The following MYO3A variants were observed in gnomAD, a reference collection of about 807,000 sequenced individuals.
MYO3A encodes myosin-IIIa.
MYO3A carries 180 observed loss-of-function variants against 192.7 expected under a neutral mutation model. That is an observed-to-expected ratio of 0.93 (90% confidence interval 0.83 to 1.06). The LOEUF (loss-of-function observed/expected upper bound fraction) is 1.06, where lower values mean the gene tolerates loss of function less well. MYO3A is among the 50% of genes least tolerant of loss of function. MYO3A has a pLI of 0.00. For missense variants in MYO3A, 1,896 were observed against 1,905.0 expected (o/e 1.00, Z 0.09); for synonymous variants, 628 against 645.3 (o/e 0.97, Z 0.41).
At chr10:26,147,373 G>C in intron 22 of MYO3A, 57 bp from the exon 23 acceptor site, 1 of 1,478,664 alleles carries the variant, frequency 6.8e-7, no homozygotes, top group Non-Finnish European at 9.4e-7. Flanking sequence ...TGATGGTGAG[G>C]AGGAGGAGGA....
rs545225354 is a variant in MYO3A at position 26,099,799 on chromosome 10, T to C, written c.1776+3117T>C. Among the ~76,000 whole-genome samples, 12 of 152,346 alleles carry C rather than the reference T, an allele frequency of 7.9e-5. No homozygotes were observed. In the East Asian group the frequency reaches 2.3e-3, roughly 29 times the overall value. ...GTGGATAAGCTTTTTGATGTGCTGC[T>C]GGATTCGGTTTGCCAGTATTTTATT... On this transcript the variant is annotated intron_variant, in intron 17 of 34. Transcript: ENST00000642920.
At chr10:26,143,190 G>A (rs941257497) in intron 20 of MYO3A, among the ~76,000 whole-genome samples, 5 of 152,022 alleles carry the variant, frequency 3.3e-5, no homozygotes, top group Non-Finnish European at 7.4e-5. Flanking sequence ...AATTAGCCGG[G>A]CATGGTGGTG....
intron 2 of MYO3A, among the ~76,000 whole-genome samples, chr10:25,944,393 A>C: frequency 6.6e-6 from 1 of 152,036 alleles, no homozygotes; most frequent in Non-Finnish European, 1.5e-5. Context: ...TTTTGGTGTC[A>C]GGATAATGCT....
chr10:25,953,684 C>T (rs567606582), intron 3 of MYO3A, among the ~76,000 whole-genome samples: 19 of 152,192 alleles, frequency 1.2e-4, no homozygotes, highest in Non-Finnish European at 2.2e-4. Context: ...ATCCATGTAA[C>T]GACTATTCTT....
At chr10:26,166,340 C>A in intron 27 of MYO3A, 162 bp downstream of exon 27, 1 of 703,418 alleles carries the variant, frequency 1.4e-6, no homozygotes, top group Non-Finnish European at 2.4e-6. Flanking sequence ...TTTTCTTTTT[C>A]GTCAACATTA....
intron 23 of MYO3A, among the ~76,000 whole-genome samples, chr10:26,150,060 ACAC>A (rs541484551): frequency 1.1e-3 from 143 of 129,884 alleles, no homozygotes; most frequent in African/African-American, 3.7e-3. Context: ...GTGTGTGTAG[ACAC>A]CACATTTTCT....
intron 17 of MYO3A, among the ~76,000 whole-genome samples, chr10:26,113,970 A>G (rs1028213625): frequency 2.6e-5 from 4 of 152,184 alleles, no homozygotes; most frequent in African/African-American, 7.2e-5. Flanking sequence ...AATAGAGAAC[A>G]TATTAATATC....
chr10:26,006,127 A>G (rs1841186397), intron 6 of MYO3A, among the ~76,000 whole-genome samples: 1 of 152,064 alleles, frequency 6.6e-6, no homozygotes, highest in African/African-American at 2.4e-5. Flanking sequence ...TGCCCCAACT[A>G]GCTACTGGGT....
intron 14 of MYO3A, among the ~76,000 whole-genome samples, chr10:26,073,412 A>G (rs186286104): frequency 6.6e-6 from 1 of 152,136 alleles, no homozygotes; most frequent in African/African-American, 2.4e-5. Flanking sequence ...TACTAAAAAT[A>G]CAAAAAATTA....
intron 14 of MYO3A, among the ~76,000 whole-genome samples, chr10:26,073,289 A>C: frequency 6.6e-6 from 1 of 152,158 alleles, no homozygotes; most frequent in Non-Finnish European, 1.5e-5. Flanking sequence ...TTTTTGGATG[A>C]GGCCGGGAGT....
At chr10:26,010,347 C>T (rs549541401) in intron 6 of MYO3A, among the ~76,000 whole-genome samples, 1 of 147,620 alleles carries the variant, frequency 6.8e-6, no homozygotes, top group African/African-American at 2.6e-5. Context: ...GTATAAAGTA[C>T]AGGAACCTCA....
At chr10:26,170,322 G>A in intron 28 of MYO3A, 94 bp from the exon 29 acceptor site, 1 of 1,370,104 alleles carries the variant, frequency 7.3e-7, no homozygotes, top group South Asian at 1.3e-5. Flanking sequence ...TTTCCTCTTT[G>A]ACATCAATGG....
intron 10 of MYO3A, among the ~76,000 whole-genome samples, chr10:26,062,367 A>G: frequency 6.6e-6 from 1 of 151,164 alleles, no homozygotes; most frequent in Non-Finnish European, 1.5e-5. Context: ...AAAAGTACAA[A>G]AATTAGCCAT....
chr10:26,100,135 G>T (rs1309085673), intron 17 of MYO3A, among the ~76,000 whole-genome samples: 1 of 152,106 alleles, frequency 6.6e-6, no homozygotes, highest in East Asian at 1.9e-4. Context: ...GTTTAGTCTT[G>T]GGAGGGTGTA....
intron 34 of MYO3A, among the ~76,000 whole-genome samples, chr10:26,209,230 G>A (rs942145232): frequency 3.3e-5 from 5 of 152,150 alleles, no homozygotes; most frequent in African/African-American, 9.7e-5. Context: ...TTCCCTTTGT[G>A]CACTAAATCC....
At chr10:26,060,766 T>C (rs970994132) in intron 10 of MYO3A, among the ~76,000 whole-genome samples, 1 of 152,132 alleles carries the variant, frequency 6.6e-6, no homozygotes, top group East Asian at 1.9e-4. Flanking sequence ...TGCGAAAAGG[T>C]AGATGGACTT....
At position 26,096,363 on chromosome 10, in the gene MYO3A, A is replaced by G; in HGVS notation, c.1563-18A>G. The G allele has an allele frequency of 6.5e-7, 1 of 1,536,936 alleles. No homozygotes were observed. ...ATGTTCTTACTAACTACCTTACTGT[A>G]AATATCTTTTTTTCCAGTGGAGAAA... is the stretch of plus-strand genomic sequence containing the variant. On this transcript the variant is annotated intron_variant, in intron 15 of 34. Coordinates refer to ENST00000642920, the MANE Select transcript of MYO3A (RefSeq NM_017433.5).
chr10:26,104,141 T>G (rs1249811848), intron 17 of MYO3A, among the ~76,000 whole-genome samples: 1 of 152,042 alleles, frequency 6.6e-6, no homozygotes, highest in Non-Finnish European at 1.5e-5. Context: ...ATAGTATTTG[T>G]TATATTTTCC....
At chr10:26,119,536 G>C (rs1445511594) in intron 17 of MYO3A, among the ~76,000 whole-genome samples, 1 of 152,108 alleles carries the variant, frequency 6.6e-6, no homozygotes, top group Non-Finnish European at 1.5e-5. Flanking sequence ...ATGCCTTGAA[G>C]ATGTTTTTTC....
Sources: gnomAD v4.1 joint callset for allele counts (sites outside exome capture counted in the v4.1 genomes callset) on GRCh38, gnomAD v4.1.1 for gene constraint, MANE v1.5 for transcripts, NCBI Gene and HGNC (gene_info 2026-07-23, HGNC 2026-07-21) for gene names.